KCNAB1: variants seen among roughly 807,000 people sequenced by gnomAD.
KCNAB1 encodes the protein voltage-gated potassium channel subunit beta-1.
KCNAB1 carries 35 observed loss-of-function variants against 64.6 expected under a neutral mutation model. The observed-to-expected ratio is 0.54, with a 90% CI of 0.41 to 0.72. KCNAB1 has a LOEUF of 0.72. KCNAB1 is among the 30% of genes least tolerant of loss of function. The pLI, the probability that KCNAB1 is intolerant of heterozygous loss-of-function variation, is 0.00. For missense variants in KCNAB1, 401 were observed against 512.9 expected (o/e 0.78, Z 2.11); for synonymous variants, 177 against 183.8 (o/e 0.96, Z 0.30).
chr3:156,406,306 G>T (rs1403974779), intron 1 of KCNAB1, among the ~76,000 whole-genome samples: 1 of 152,136 alleles, frequency 6.6e-6, no homozygotes, highest in Non-Finnish European at 1.5e-5. Flanking sequence ...ACATTCCCCA[G>T]CTCCTTGGTC....
chr3:156,158,181 AATAAATAAAT>A (rs1715856554), intron 1 of KCNAB1, among the ~76,000 whole-genome samples: 7 of 33,544 alleles, frequency 2.1e-4, no homozygotes, highest in East Asian at 4.5e-3. Context: ...AAAAATAAAA[AATAAATAAAT>A]AAATAAATAA....
At chr3:156,300,337 G>A (rs1181608370) in intron 1 of KCNAB1, among the ~76,000 whole-genome samples, 3 of 152,204 alleles carry the variant, frequency 2.0e-5, no homozygotes, top group Non-Finnish European at 4.4e-5. Context: ...TGCCTCATAA[G>A]GTTGCTGGTA....
chr3:156,174,283 C>G (rs1221656828), intron 1 of KCNAB1, among the ~76,000 whole-genome samples: 2 of 152,096 alleles, frequency 1.3e-5, no homozygotes, highest in African/African-American at 2.4e-5. Flanking sequence ...TCCCTTCAAG[C>G]AATAATTAAT....
chr3:156,507,939 G>A (rs1716934075), intron 8 of KCNAB1, among the ~76,000 whole-genome samples: 2 of 152,100 alleles, frequency 1.3e-5, no homozygotes, highest in South Asian at 4.1e-4. Context: ...ATATGTTAGT[G>A]TCTAAAGTGG....
At chr3:156,291,849 T>C in intron 1 of KCNAB1, 1 of 1,606,430 alleles carries the variant, frequency 6.2e-7, no homozygotes, top group Non-Finnish European at 8.5e-7. Context: ...CTGCTCAACC[T>C]CTCGTGACTG....
intron 1 of KCNAB1, among the ~76,000 whole-genome samples, chr3:156,263,911 A>G (rs563550855): frequency 1.3e-5 from 2 of 152,126 alleles, no homozygotes; most frequent in African/African-American, 4.8e-5. Context: ...TGCTACTCAC[A>G]TAGAGTTGAT....
At chr3:156,514,594 G>A (rs889363736) in intron 9 of KCNAB1, 145 bp downstream of exon 9, 18 of 638,146 alleles carry the variant, frequency 2.8e-5, no homozygotes, top group Non-Finnish European at 4.3e-5. Flanking sequence ...TCATTACAGA[G>A]ATGGATATTG....
intron 1 of KCNAB1, among the ~76,000 whole-genome samples, chr3:156,146,787 T>G (rs549393897): frequency 6.6e-6 from 1 of 152,314 alleles, no homozygotes; most frequent in East Asian, 1.9e-4. Flanking sequence ...TCACAAATCT[T>G]ATTTTTTCCT....
chr3:156,460,982 C>G (rs1712860299), intron 5 of KCNAB1, among the ~76,000 whole-genome samples: 1 of 152,186 alleles, frequency 6.6e-6, no homozygotes, highest in African/African-American at 2.4e-5. Context: ...TGATGACCTA[C>G]TTTCTCCTTC....
chr3:156,210,015 G>A (rs1246991091), intron 1 of KCNAB1, among the ~76,000 whole-genome samples: 1 of 152,180 alleles, frequency 6.6e-6, no homozygotes, highest in Non-Finnish European at 1.5e-5. Flanking sequence ...TCAATACATT[G>A]TGCCAGTTTC....
intron 1 of KCNAB1, among the ~76,000 whole-genome samples, chr3:156,243,619 G>T (rs1717294057): frequency 6.6e-6 from 1 of 152,208 alleles, no homozygotes; most frequent in Non-Finnish European, 1.5e-5. Flanking sequence ...TTTGTTGACA[G>T]GTGAGCTATC....
intron 1 of KCNAB1, among the ~76,000 whole-genome samples, chr3:156,353,691 G>A (rs1460781013): frequency 1.3e-5 from 2 of 152,178 alleles, no homozygotes; most frequent in Admixed American, 6.5e-5. Context: ...TTGGCCAGAG[G>A]CCTCCCTCAG....
chr3:156,367,152 G>A (rs1725996157), intron 1 of KCNAB1, among the ~76,000 whole-genome samples: 1 of 150,912 alleles, frequency 6.6e-6, no homozygotes, highest in Non-Finnish European at 1.5e-5. Flanking sequence ...CCTGCAAGTG[G>A]CATCTCAGAG....
intron 1 of KCNAB1, among the ~76,000 whole-genome samples, chr3:156,283,314 A>G (rs1370224410): frequency 1.3e-5 from 2 of 151,292 alleles, no homozygotes; most frequent in Non-Finnish European, 2.9e-5. Context: ...TCTGGCTTGT[A>G]GGGTTTCTGC....
At chr3:156,130,702 T>C (rs1364840499) in intron 1 of KCNAB1, among the ~76,000 whole-genome samples, 3 of 152,270 alleles carry the variant, frequency 2.0e-5, no homozygotes, top group Non-Finnish European at 4.4e-5. Context: ...GATGTCATTT[T>C]AGTAATTTCA....
At chr3:156,159,294 A>G in intron 1 of KCNAB1, among the ~76,000 whole-genome samples, 1 of 151,974 alleles carries the variant, frequency 6.6e-6, no homozygotes, top group Non-Finnish European at 1.5e-5. Flanking sequence ...GTAGGGGAAT[A>G]TTTTCCTCTA....
intron 11 of KCNAB1, 88 bp downstream of exon 11, chr3:156,516,452 T>C (rs1347920456): frequency 1.1e-6 from 1 of 948,596 alleles, no homozygotes; most frequent in East Asian, 2.4e-5. Context: ...GCCTAGGGCT[T>C]CCCAGCTCAG....
chr3:156,379,243 G>A (rs1225413093), intron 1 of KCNAB1, among the ~76,000 whole-genome samples: 1 of 152,186 alleles, frequency 6.6e-6, no homozygotes, highest in Non-Finnish European at 1.5e-5. Context: ...ATGTCTGCAA[G>A]CTCTGTTCCA....
chr3:156,484,952 T>G (rs1178437577), intron 8 of KCNAB1, among the ~76,000 whole-genome samples: 1 of 152,148 alleles, frequency 6.6e-6, no homozygotes, highest in East Asian at 1.9e-4. Context: ...CTTCTCAGTT[T>G]TTCATTTGTA....
Sources: gnomAD v4.1 joint callset for allele counts (sites outside exome capture counted in the v4.1 genomes callset) on GRCh38, gnomAD v4.1.1 for gene constraint, MANE v1.5 for transcripts, NCBI Gene and HGNC (gene_info 2026-07-23, HGNC 2026-07-21) for gene names.